The following CD99L2 variants were observed in gnomAD, a reference collection of about 807,000 sequenced individuals.
CD99L2 encodes the protein CD99 molecule like 2.
CD99L2 carries 24 observed loss-of-function variants against 27.3 expected under a neutral mutation model. That is an observed-to-expected ratio of 0.88 (90% CI 0.64 to 1.24). The LOEUF is 1.24. CD99L2 is among the 50% of genes most tolerant of loss of function. The pLI, the probability that CD99L2 is intolerant of heterozygous loss-of-function variation, is 0.00. For missense variants in CD99L2, 255 were observed against 221.6 expected, an observed-to-expected ratio of 1.15 and a Z score of -0.96; for synonymous variants, 97 against 87.9, an observed-to-expected ratio of 1.10 and a Z score of -0.58.
chrX:150,793,771 A>G lies in CD99L2; in HGVS notation c.431-15T>C. 3 of 1,164,409 alleles carry G rather than the reference A, an allele frequency of 2.6e-6. No homozygotes were observed. Among genetic ancestry groups the G allele is most frequent in the Non-Finnish European group, 3.5e-6 (3 of 865,381 alleles). On this transcript the variant is annotated splice_polypyrimidine_tract_variant and intron_variant, in intron 6 of 10. Coordinates refer to ENST00000370377, the MANE Select transcript of CD99L2 (RefSeq NM_031462.4). ...GTCTGAAAAACCTGGAGAAAATAAAACATACATTTCAACAACAAGAAAAAA... is the reference window on the plus strand; with the variant it reads ...GTCTGAAAAACCTGGAGAAAATAAAGCATACATTTCAACAACAAGAAAAAA...
At chrX:150,824,457 AAAG>A (rs1433536827) in intron 2 of CD99L2, among the ~76,000 whole-genome samples, 1 of 96,015 alleles carries the variant, frequency 1.0e-5, no homozygotes, top group East Asian at 3.4e-4. Context: ...GAAGAAGAAG[AAAG>A]AAGAAAGAAG....
At chrX:150,897,672 T>C (rs781822858) in intron 1 of CD99L2, among the ~76,000 whole-genome samples, 10 of 111,880 alleles carry the variant, frequency 8.9e-5, no homozygotes, top group African/African-American at 1.9e-4. Flanking sequence ...GATGGGGACA[T>C]AGGATATAAA....
intron 1 of CD99L2, among the ~76,000 whole-genome samples, chrX:150,878,420 A>G (rs1209696889): frequency 9.1e-6 from 1 of 109,949 alleles, no homozygotes; most frequent in Non-Finnish European, 1.9e-5. Flanking sequence ...AGCACTTGAG[A>G]ATAAGTCTGA....
intron 1 of CD99L2, among the ~76,000 whole-genome samples, chrX:150,872,472 T>C (rs1557422213): frequency 9.5e-6 from 1 of 105,485 alleles, no homozygotes; most frequent in Non-Finnish European, 1.9e-5. Flanking sequence ...TTTAAAACAC[T>C]ACCAAAGATG....
Position 150,831,313 on chromosome X carries a change from ATTAAACTATCTTTGCAT to A in CD99L2, c.68-37_68-21del. On this transcript the variant is annotated intron_variant, in intron 1 of 10. Coordinates refer to ENST00000370377, the MANE Select transcript of CD99L2 (RefSeq NM_031462.4). ...CAGATCCTAAAAATTAAAAAAAAAA[ATTAAACTATCTTTGCAT>A]AAAACAAAGTAATAATGAAATATCC... The A allele has an allele frequency of 8.9e-7, 1 of 1,121,367 alleles. No homozygotes were observed. The highest frequency in any genetic ancestry group is 1.2e-6 in the Non-Finnish European group (1 of 822,149). The allele number at this position is 1,121,367 out of a possible 1,213,427, so 92.4% of individuals were successfully genotyped here.
intron 7 of CD99L2, among the ~76,000 whole-genome samples, chrX:150,783,769 T>C (rs2045552336): frequency 9.0e-6 from 1 of 111,616 alleles, no homozygotes; most frequent in Non-Finnish European, 1.9e-5. Context: ...AAAAAAGGAA[T>C]CAGTACAGTG....
chrX:150,858,270 G>A (rs975158372), intron 1 of CD99L2, among the ~76,000 whole-genome samples: 1 of 112,126 alleles, frequency 8.9e-6, no homozygotes, highest in Admixed American at 9.4e-5. Flanking sequence ...GATAATGGTG[G>A]AGGACTTCAA....
At chrX:150,897,996 A>C (rs987623401) in intron 1 of CD99L2, among the ~76,000 whole-genome samples, 9 of 102,756 alleles carry the variant, frequency 8.8e-5, no homozygotes, top group Non-Finnish European at 1.6e-4. Context: ...CCAAAGTCTC[A>C]AAAACTGAAG....
In CD99L2 at chrX:150,768,992, AGCGGTGGCACCATTGTGCAT is replaced by A. The variant is rs2043359637; in HGVS notation, c.*22_*41del. The A allele has an allele frequency of 1.8e-6, 2 of 1,118,885 alleles. No homozygotes were observed. The highest frequency in any genetic ancestry group is 3.9e-5 in the African/African-American group (2 of 51,892). The allele number at this position is 1,118,885 out of a possible 1,213,427, so 92.2% of individuals were successfully genotyped here. On this transcript the variant is annotated 3_prime_UTR_variant, in exon 11 of 11. Coordinates refer to ENST00000370377, the MANE Select transcript of CD99L2 (RefSeq NM_031462.4). ...AAGGGGTGGGGGGAGCCGGGTGACA[AGCGGTGGCACCATTGTGCAT>A]GCCTGCAGCTGGACAGGGCCCTCAG...
At chrX:150,831,100 T>G (rs1250954132) in intron 2 of CD99L2, 131 bp downstream of exon 2, 6 of 543,653 alleles carry the variant, frequency 1.1e-5, no homozygotes, top group Non-Finnish European at 1.7e-5. Context: ...TGAGCTACCG[T>G]GTCCGGGCAC....
At chrX:150,824,891 A>G (rs1424064255) in intron 2 of CD99L2, among the ~76,000 whole-genome samples, 1 of 111,123 alleles carries the variant, frequency 9.0e-6, no homozygotes, top group Non-Finnish European at 1.9e-5. Context: ...CCTTAAAATG[A>G]TAATGTTTGC....
At chrX:150,877,121 T>TAAAAAA (rs782764443) in intron 1 of CD99L2, among the ~76,000 whole-genome samples, 2 of 63,890 alleles carry the variant, frequency 3.1e-5, no homozygotes, top group Non-Finnish European at 6.3e-5. Context: ...TGTCTCTTAA[T>TAAAAAA]AAAAAAAAAA....
chrX:150,896,026 CAA>C (rs372737729), intron 1 of CD99L2, among the ~76,000 whole-genome samples: 10 of 38,508 alleles, frequency 2.6e-4, no homozygotes, highest in Admixed American at 3.4e-4. Flanking sequence ...ACTCTGTTTC[CAA>C]AAAAAAAAAA....
intron 1 of CD99L2, among the ~76,000 whole-genome samples, chrX:150,892,672 C>T (rs1437741373): frequency 9.3e-6 from 1 of 107,390 alleles, no homozygotes; most frequent in Non-Finnish European, 1.9e-5. Flanking sequence ...AGGTATCTCT[C>T]CTAAACTCAC....
At chrX:150,885,125 G>A (rs189443047) in intron 1 of CD99L2, among the ~76,000 whole-genome samples, 2 of 111,230 alleles carry the variant, frequency 1.8e-5, no homozygotes, top group Admixed American at 1.9e-4. Context: ...GAAAATGACC[G>A]CACAAAAGTC....
chrX:150,801,051 C>A (rs190050725), intron 4 of CD99L2, among the ~76,000 whole-genome samples: 7,170 of 108,925 alleles, frequency 0.066, 177 homozygotes, highest in South Asian at 0.13. Context: ...AACAAAAAAA[C>A]CCCAAAAAAA....
At chrX:150,857,177 T>G (rs1419836183) in intron 1 of CD99L2, among the ~76,000 whole-genome samples, 4 of 111,617 alleles carry the variant, frequency 3.6e-5, no homozygotes, top group Non-Finnish European at 7.5e-5. Context: ...GAAGAGAGAA[T>G]GTAAGGGGTT....
In CD99L2 at chrX:150,831,304, A is replaced by G; in HGVS notation, c.68-11T>C. 1 of 1,169,150 alleles carries G rather than the reference A, an allele frequency of 8.6e-7. No individual in the cohort carries two copies. Among genetic ancestry groups the G allele is most frequent in the African/African-American group, 1.8e-5 (1 of 54,757 alleles). ...CAAAGTCCCCAGATCCTAAAAATTAAAAAAAAAAATTAAACTATCTTTGCA... is the reference window on the plus strand; with the variant it reads ...CAAAGTCCCCAGATCCTAAAAATTAGAAAAAAAAATTAAACTATCTTTGCA... On this transcript the variant is annotated splice_polypyrimidine_tract_variant and intron_variant, in intron 1 of 10. Coordinates refer to ENST00000370377, the MANE Select transcript of CD99L2 (RefSeq NM_031462.4).
chrX:150,878,645 T>A (rs782130074), intron 1 of CD99L2, among the ~76,000 whole-genome samples: 18 of 111,798 alleles, frequency 1.6e-4, no homozygotes, highest in Non-Finnish European at 2.4e-4. Flanking sequence ...GGACTTTTTT[T>A]AAAAACTTGA....
Sources: gnomAD v4.1 joint callset for allele counts (sites outside exome capture counted in the v4.1 genomes callset) on GRCh38, gnomAD v4.1.1 for gene constraint, MANE v1.5 for transcripts, NCBI Gene and HGNC (gene_info 2026-07-23, HGNC 2026-07-21) for gene names.